The following RNF150 variants were observed in gnomAD, a reference collection of about 807,000 sequenced individuals.
RNF150 encodes the protein ring finger protein 150.
Under a neutral mutation model 39.3 loss-of-function variants are expected in RNF150, and 24 were observed. That is an observed-to-expected ratio of 0.61 (90% CI 0.44 to 0.86). The LOEUF (loss-of-function observed/expected upper bound fraction) is 0.86. RNF150 is among the 40% of genes least tolerant of loss of function. The pLI, the probability that RNF150 is intolerant of heterozygous loss-of-function variation, is 0.00. For synonymous variants in RNF150, 255 were observed against 227.3 expected, an observed-to-expected ratio of 1.12 and a Z score of -1.10; for missense variants, 502 against 587.8, an observed-to-expected ratio of 0.85 and a Z score of 1.51.
chr4:141,206,539 A>G (rs948339122), intron 1 of RNF150, among the ~76,000 whole-genome samples: 1 of 152,106 alleles, frequency 6.6e-6, no homozygotes, highest in Non-Finnish European at 1.5e-5. Context: ...AAGAAAATAT[A>G]ACAAATAAAT....
chr4:141,091,149 T>C (rs186443883), intron 1 of RNF150, among the ~76,000 whole-genome samples: 11 of 152,336 alleles, frequency 7.2e-5, no homozygotes, highest in African/African-American at 2.6e-4. Flanking sequence ...CTCTGTTCCT[T>C]ACTAGCAATG....
chr4:141,075,503 T>TA (rs1737861024), intron 1 of RNF150, among the ~76,000 whole-genome samples: 1 of 152,252 alleles, frequency 6.6e-6, no homozygotes. Flanking sequence ...CTAATCCCAG[T>TA]CTATTAATCA....
chr4:140,981,743 G>C (rs1403193764), intron 1 of RNF150, among the ~76,000 whole-genome samples: 10 of 152,150 alleles, frequency 6.6e-5, no homozygotes, highest in African/African-American at 2.4e-4. Context: ...AGGTTATAGT[G>C]CATTGTATTT....
chr4:141,072,042 G>A (rs543214154), intron 1 of RNF150, among the ~76,000 whole-genome samples: 2 of 152,266 alleles, frequency 1.3e-5, no homozygotes, highest in Non-Finnish European at 2.9e-5. Context: ...TGATGCACTA[G>A]GTCTGGGGCC....
intron 1 of RNF150, among the ~76,000 whole-genome samples, chr4:141,176,205 A>T (rs115878565): frequency 8.9e-4 from 135 of 152,020 alleles, no homozygotes; most frequent in Middle Eastern, 3.4e-3. Flanking sequence ...GGCTCTTGTG[A>T]TTCTTAAAAC....
At chr4:141,039,942 C>G (rs1218872458) in intron 1 of RNF150, among the ~76,000 whole-genome samples, 1 of 152,138 alleles carries the variant, frequency 6.6e-6, no homozygotes, top group African/African-American at 2.4e-5. Flanking sequence ...TAGAAAAACT[C>G]CTCCCCTGCG....
chr4:141,202,823 A>G (rs1728310909), intron 1 of RNF150, among the ~76,000 whole-genome samples: 1 of 151,942 alleles, frequency 6.6e-6, no homozygotes, highest in Non-Finnish European at 1.5e-5. Flanking sequence ...GGGTCAGATC[A>G]GTACAAAATT....
intron 1 of RNF150, chr4:140,997,060 T>C (rs892582083): frequency 1.3e-5 from 2 of 152,198 alleles, no homozygotes. Flanking sequence ...GGGAACAATA[T>C]AGTAACTTCT....
intron 1 of RNF150, among the ~76,000 whole-genome samples, chr4:141,143,190 G>A (rs536367681): frequency 6.6e-6 from 1 of 152,168 alleles, no homozygotes; most frequent in Non-Finnish European, 1.5e-5. Flanking sequence ...TCTTTAAACT[G>A]ATGATTCTTG....
intron 6 of RNF150, among the ~76,000 whole-genome samples, chr4:140,899,974 C>CTCTGTGTGTGTGTGTG (rs1365683071): frequency 1.9e-4 from 13 of 69,220 alleles, no homozygotes; most frequent in African/African-American, 5.6e-4. Context: ...CTCTCTCTCT[C>CTCTGTGTGTGTGTGTG]TGTGTGTGTG....
At position 140,894,265 on chromosome 4, in the gene RNF150, A is replaced by G. The variant is rs145975721; in HGVS notation, c.1198+16879T>C. ...ATAAATCTTATGCTAAATCACCAAC[A>G]TCTTTTGGTAAAATAGCTGTGTTTA... On this transcript the variant is annotated intron_variant, in intron 6 of 6. Transcript: ENST00000515673. Among the ~76,000 whole-genome samples, 399 of 152,334 alleles carry G rather than the reference A, an allele frequency of 2.6e-3. 1 individual carries two copies. The highest frequency in any genetic ancestry group is 9.1e-3 in the African/African-American group (379 of 41,574).
intron 1 of RNF150, among the ~76,000 whole-genome samples, chr4:141,160,903 C>A (rs935789688): frequency 5.3e-5 from 8 of 152,190 alleles, no homozygotes; most frequent in Non-Finnish European, 1.2e-4. Context: ...TTATAAATTA[C>A]CCAGTCTCAG....
At chr4:141,041,086 A>T (rs1317083773) in intron 1 of RNF150, among the ~76,000 whole-genome samples, 1 of 152,140 alleles carries the variant, frequency 6.6e-6, no homozygotes, top group Non-Finnish European at 1.5e-5. Flanking sequence ...ATAAACATTC[A>T]TTTAAAAAAA....
At chr4:141,124,661 T>C (rs2111094360) in intron 1 of RNF150, among the ~76,000 whole-genome samples, 1 of 152,302 alleles carries the variant, frequency 6.6e-6, no homozygotes, top group South Asian at 2.1e-4. Flanking sequence ...GTATGCCTCC[T>C]GACAATCCCT....
chr4:140,895,452 T>C (rs1444248904), intron 6 of RNF150, among the ~76,000 whole-genome samples: 2 of 152,128 alleles, frequency 1.3e-5, no homozygotes, highest in Non-Finnish European at 2.9e-5. Context: ...CCTATATACA[T>C]TATAAGAGCA....
At chr4:141,205,244 G>C (rs1425760958) in intron 1 of RNF150, among the ~76,000 whole-genome samples, 1 of 151,962 alleles carries the variant, frequency 6.6e-6, no homozygotes, top group Non-Finnish European at 1.5e-5. Context: ...TCTAGTACAG[G>C]TACATAAGCT....
At chr4:141,031,968 A>G (rs185163927) in intron 1 of RNF150, among the ~76,000 whole-genome samples, 1 of 152,160 alleles carries the variant, frequency 6.6e-6, no homozygotes, top group Admixed American at 6.5e-5. Flanking sequence ...AAAATTAACC[A>G]AAGTATCCAC....
chr4:141,112,129 T>C lies in RNF150; in HGVS notation c.484+20196A>G, dbSNP rs1739404539. Among the ~76,000 whole-genome samples the C allele has an allele frequency of 2.0e-5, 3 of 152,292 alleles. No homozygotes were observed. In the South Asian group the frequency reaches 6.2e-4, roughly 32 times the overall value. On this transcript the variant is annotated intron_variant, in intron 1 of 6. Coordinates refer to ENST00000515673, the MANE Select transcript of RNF150 (RefSeq NM_020724.2). The stretch of plus-strand genomic sequence containing the variant: ...TACTATGAAAACTATAACTATTCTT[T>C]AAGCCAAAATATACAGATGAGGACT...
intron 5 of RNF150, among the ~76,000 whole-genome samples, chr4:140,925,537 G>A (rs1472390123): frequency 2.6e-5 from 4 of 152,146 alleles, no homozygotes; most frequent in Admixed American, 6.5e-5. Context: ...CCTCCCCTCC[G>A]ATTGCTGGGA....
Sources: gnomAD v4.1 joint callset for allele counts (sites outside exome capture counted in the v4.1 genomes callset) on GRCh38, gnomAD v4.1.1 for gene constraint, MANE v1.5 for transcripts, NCBI Gene and HGNC (gene_info 2026-07-23, HGNC 2026-07-21) for gene names.